Variants in SRGAP3 observed in about 807,000 individuals in gnomAD.
SRGAP3 encodes the protein SLIT-ROBO Rho GTPase-activating protein 3.
In SRGAP3, 39 loss-of-function variants were observed where a neutral mutation model predicts 121.1. The observed-to-expected ratio is 0.32, with a 90% CI of 0.25 to 0.42. The LOEUF (loss-of-function observed/expected upper bound fraction) is 0.42, where lower values mean the gene tolerates loss of function less well. Among genes scored for constraint, SRGAP3 ranks in the 10% least tolerant of loss-of-function variants. The probability of loss-of-function intolerance (pLI) is 1.00; values close to 1 mark genes in which losing one functional copy is unlikely to be tolerated. For synonymous variants in SRGAP3, 601 were observed against 570.0 expected (o/e 1.05, Z -0.77); for missense variants, 1,213 against 1,470.6 (o/e 0.82, Z 2.86).
chr3:9,286,577 A>T (rs979855544), intron 3 of SRGAP3, among the ~76,000 whole-genome samples: 1 of 152,124 alleles, frequency 6.6e-6, no homozygotes, highest in African/African-American at 2.4e-5. Flanking sequence ...AACTTTAGTC[A>T]CTTTATTTAT....
intron 3 of SRGAP3, among the ~76,000 whole-genome samples, chr3:9,081,613 G>T (rs543516898): frequency 6.6e-6 from 1 of 152,306 alleles, no homozygotes; most frequent in East Asian, 1.9e-4. Context: ...GGACTTCTCA[G>T]TGCCTTTCAT....
chr3:9,119,837 G>A (rs564503658), intron 2 of SRGAP3, among the ~76,000 whole-genome samples: 138 of 152,352 alleles, frequency 9.1e-4, no homozygotes, highest in South Asian at 1.7e-3. Context: ...CGTCCCCATG[G>A]AGGAACCAGG....
chr3:9,354,677 A>C (rs1399275251), intron 1 of SRGAP3, among the ~76,000 whole-genome samples: 3 of 127,238 alleles, frequency 2.4e-5, no homozygotes, highest in Non-Finnish European at 4.8e-5. Context: ...GCGAGACTCC[A>C]TCTCAAAAAA....
At chr3:9,016,988 C>T (rs1002223677) in intron 14 of SRGAP3, among the ~76,000 whole-genome samples, 1 of 152,114 alleles carries the variant, frequency 6.6e-6, no homozygotes, top group Non-Finnish European at 1.5e-5. Context: ...TTCTTGTGTC[C>T]TTTTAATGTG....
At chr3:9,134,964 T>C (rs778933409) in intron 1 of SRGAP3, among the ~76,000 whole-genome samples, 1 of 152,150 alleles carries the variant, frequency 6.6e-6, no homozygotes, top group Non-Finnish European at 1.5e-5. Context: ...ATGATAATAA[T>C]CTCTACCTCA....
rs758892207 is a variant in SRGAP3 at position 8,985,508 on chromosome 3, C to G, written c.*11G>C. On this transcript the variant is annotated 3_prime_UTR_variant, in exon 22 of 22. Coordinates refer to ENST00000383836, the MANE Select transcript of SRGAP3 (RefSeq NM_014850.4). This position sits in a 1 kb window ranked among gnomAD's most constrained non-coding sequence, Gnocchi z 5.1. ...CACAGCGGGCCACGGCGGCGCGGCC[C>G]ATCCTGCAGGTCACATGGTGCCCGA... 23 of 1,598,498 alleles carry G rather than the reference C, an allele frequency of 1.4e-5. No individual in the cohort carries two copies. Among genetic ancestry groups the G allele is most frequent in the Non-Finnish European group, 1.8e-5 (21 of 1,179,378 alleles).
chr3:9,100,206 T>C (rs188456326), intron 3 of SRGAP3, among the ~76,000 whole-genome samples: 5 of 151,974 alleles, frequency 3.3e-5, no homozygotes, highest in Admixed American at 3.3e-4. Flanking sequence ...CTGTTCTGAG[T>C]TTTTTCCTTC....
At chr3:9,105,315 G>T (rs2124915326) in intron 2 of SRGAP3, among the ~76,000 whole-genome samples, 1 of 152,332 alleles carries the variant, frequency 6.6e-6, no homozygotes, top group African/African-American at 2.4e-5. Context: ...ATTGGCTTCT[G>T]TCTCTTGGCC....
At chr3:9,350,427 GAGA>G (rs1005261094) in intron 1 of SRGAP3, among the ~76,000 whole-genome samples, 5 of 152,322 alleles carry the variant, frequency 3.3e-5, no homozygotes, top group East Asian at 1.9e-4. Flanking sequence ...GAATGCAAAG[GAGA>G]AGAAGGTTAG....
At chr3:9,122,435 C>T (rs1164327001) in intron 2 of SRGAP3, among the ~76,000 whole-genome samples, 1 of 152,070 alleles carries the variant, frequency 6.6e-6, no homozygotes, top group Non-Finnish European at 1.5e-5. Flanking sequence ...GGTGGCTGGG[C>T]GCGGTGGCTC....
At chr3:9,227,686 C>G (rs1475601641) in intron 1 of SRGAP3, among the ~76,000 whole-genome samples, 1 of 152,206 alleles carries the variant, frequency 6.6e-6, no homozygotes, top group Non-Finnish European at 1.5e-5. Context: ...TTTTTAACTA[C>G]TAAAAATGCA....
Position 9,163,567 on chromosome 3 carries a change from G to A in SRGAP3, c.68-38650C>T, listed in dbSNP as rs564077944. On this transcript the variant is annotated intron_variant, in intron 1 of 21. Coordinates refer to ENST00000383836, the MANE Select transcript of SRGAP3 (RefSeq NM_014850.4). ...TGCGGCCACTCAGGCCCAGCTAGAA[G>A]GCTGCCGCTGTCAAAGCAGAGGGGG... 1.7e-3 allele frequency among the ~76,000 whole-genome samples: 265 copies of A among 152,348 alleles called. 2 individuals carry two copies. The highest frequency in any genetic ancestry group is 6.1e-3 in the African/African-American group (254 of 41,588).
At chr3:9,329,589 A>C (rs552758373) in intron 2 of SRGAP3, among the ~76,000 whole-genome samples, 2 of 152,290 alleles carry the variant, frequency 1.3e-5, no homozygotes, top group South Asian at 4.1e-4. Context: ...CCTGAATAAC[A>C]GAAAAGATAG....
chr3:9,253,993 G>A (rs1954071284), upstream of SRGAP3, among the ~76,000 whole-genome samples: 1 of 152,170 alleles, frequency 6.6e-6, no homozygotes, highest in Admixed American at 6.5e-5. Flanking sequence ...AGCTGGAAAA[G>A]CTGACAAATT....
At chr3:9,132,144 C>A (rs1949478517) in intron 1 of SRGAP3, among the ~76,000 whole-genome samples, 2 of 151,982 alleles carry the variant, frequency 1.3e-5, no homozygotes, top group African/African-American at 2.4e-5. Context: ...AAAAATTGAC[C>A]AGAAAGTACA....
intron 17 of SRGAP3, among the ~76,000 whole-genome samples, 174 bp from the exon 18 acceptor site, chr3:9,010,561 C>G (rs1201613753): frequency 1.3e-5 from 2 of 152,144 alleles, no homozygotes; most frequent in African/African-American, 2.4e-5. Context: ...AATCAGAAAA[C>G]TACTCCCAGC....
chr3:9,265,400 T>C (rs2125257888), intron 3 of SRGAP3, among the ~76,000 whole-genome samples: 1 of 152,260 alleles, frequency 6.6e-6, no homozygotes, highest in East Asian at 1.9e-4. Context: ...AAAGAGCTTC[T>C]GCACGGCAAA....
At chr3:9,160,371 T>G (rs1950566491) in intron 1 of SRGAP3, among the ~76,000 whole-genome samples, 1 of 152,122 alleles carries the variant, frequency 6.6e-6, no homozygotes, top group Non-Finnish European at 1.5e-5. Context: ...CATTGTGGAC[T>G]CCTCCTTATT....
intron 2 of SRGAP3, among the ~76,000 whole-genome samples, chr3:9,122,934 C>T (rs1311250262): frequency 6.6e-6 from 1 of 151,968 alleles, no homozygotes; most frequent in East Asian, 1.9e-4. Flanking sequence ...TGGACGCGAC[C>T]CAAGTGTCCA....
Sources: allele counts gnomAD v4.1 joint callset (sites outside exome capture counted in the v4.1 genomes callset), GRCh38; gene constraint gnomAD v4.1.1; non-coding constraint Gnocchi (gnomAD v3.1); transcripts MANE v1.5; gene names NCBI Gene and HGNC (gene_info 2026-07-23, HGNC 2026-07-21).